The following NEFM variants were observed in gnomAD, a reference collection of about 807,000 sequenced individuals.
The protein encoded by NEFM is neurofilament medium chain, also known as neurofilament medium polypeptide.
A neutral mutation model predicts 48.1 loss-of-function variants in NEFM; 16 were observed. The ratio of observed to expected loss-of-function variants is 0.33; its 90% confidence interval spans 0.23 to 0.51. NEFM has a LOEUF of 0.51. Among genes scored for constraint, NEFM ranks in the 20% least tolerant of loss-of-function variants. The pLI is 0.98. For missense variants in NEFM, 1,107 were observed against 1,136.0 expected (o/e 0.97, Z 0.37); for synonymous variants, 465 against 456.9 (o/e 1.02, Z -0.23).
In NEFM at chr8:24,915,647, T is replaced by A. The variant is rs1285528364; in HGVS notation, c.1123T>A (p.Trp375Arg). ...QLENELRGTK[W>R]EMARHLREYQ... is the part of the protein sequence containing the mutation. ...GGAAAATGAGCTTCGGGGCACAAAG[T>A]GGGAAATGGCTCGTCATTTGCGCGA... Residue 375 changes from tryptophan to arginine, a missense_variant, in exon 2 of 3, where the codon TGG becomes AGG. Physicochemically the swap from Trp to Arg is moderately radical, Grantham distance 101. Coordinates refer to ENST00000221166, the MANE Select transcript of NEFM (RefSeq NM_005382.2). The A allele has an allele frequency of 1.2e-6, 2 of 1,613,922 alleles. No homozygotes were observed. Among genetic ancestry groups the A allele is most frequent in the Non-Finnish European group, 1.7e-6 (2 of 1,179,980 alleles).
chr8:24,917,393 T>G lies in NEFM; in HGVS notation c.1538T>G (p.Val513Gly), dbSNP rs550553242. The G allele has an allele frequency of 6.4e-7, 1 of 1,571,404 alleles. No individual in the cohort carries two copies. The change falls in exon 3 of 3, where the codon GTG becomes GGG. Residue 513 changes from valine to glycine, a missense_variant. Coordinates refer to ENST00000221166, the MANE Select transcript of NEFM (RefSeq NM_005382.2). ...GAAGTAGCTGCCAAAAAGTCTCCAG[T>G]GAAAGCAACTGCACCTGAAGTTAAA... Reference protein sequence around the residue: ...EEEVAAKKSPVKATAPEVKEE... With the variant: ...EEEVAAKKSPGKATAPEVKEE...
chr8:24,915,349 TA>T, intron 1 of NEFM: 1 of 1,223,734 alleles, frequency 8.2e-7, no homozygotes, highest in Non-Finnish European at 1.1e-6. Flanking sequence ...AGACGTGTTC[TA>T]AGTCCACTGG....
rs1355672075 is a variant in NEFM, at chr8:24,917,122, C to G, written c.1267C>G (p.Leu423Val). 1 of 1,614,116 alleles carries G rather than the reference C, an allele frequency of 6.2e-7. No homozygotes were observed. The highest frequency in any genetic ancestry group is 1.7e-5 in the Admixed American group (1 of 60,010). ...ATTTGCAGGAAGCATCACTGGGCCA[C>G]TGTATACACACCGACCCCCAATCAC... ...STFAGSITGPLYTHRPPITIS... is the reference protein window; with the variant it reads ...STFAGSITGPVYTHRPPITIS... Residue 423 changes from leucine (L) to valine (V), a missense_variant, in exon 3 of 3, where the codon CTG becomes GTG. Around this residue, in one of 3 missense-constraint regions of NEFM, gnomAD observed 917 missense variants for 916.4 expected, o/e 1.00. Transcript: ENST00000221166.
intron 2 of NEFM, 115 bp downstream of exon 2, chr8:24,915,844 C>G: frequency 1.5e-6 from 2 of 1,341,766 alleles, no homozygotes; most frequent in Non-Finnish European, 2.1e-6. Flanking sequence ...AACTCAGCAC[C>G]TGGTTATCTT....
chr8:24,918,448 G>A lies in NEFM; in HGVS notation c.2593G>A (p.Gly865Arg), dbSNP rs758582875. 1.2e-6 allele frequency: 2 copies of A among 1,614,126 alleles called. No homozygotes were observed. Among genetic ancestry groups the A allele is most frequent in the Non-Finnish European group, 1.7e-6 (2 of 1,180,020 alleles). Residue 865 changes from glycine to arginine, a missense_variant, in exon 3 of 3, where the codon GGG (glycine) becomes AGG (arginine). Gly to Arg is a moderately radical substitution (Grantham distance 125). Coordinates refer to ENST00000221166, the MANE Select transcript of NEFM (RefSeq NM_005382.2). The part of the protein sequence containing the change: ...TKTVEKITSE[G>R]GDGATKYITK... ...AACGGTAGAAAAAATCACCAGTGAG[G>A]GGGGAGATGGTGCTACCAAATACAT...
In NEFM at chr8:24,917,428, G is replaced by A; in HGVS notation, c.1573G>A (p.Gly525Arg). 6.4e-7 allele frequency: 1 copy of A among 1,558,306 alleles called. No homozygotes were observed. Among genetic ancestry groups the A allele is most frequent in the Non-Finnish European group, 8.7e-7 (1 of 1,150,604 alleles). The change falls in exon 3 of 3, where the codon GGG becomes AGG. Residue 525 changes from glycine (G) to arginine (R), a missense_variant. Gly to Arg is a moderately radical substitution (Grantham distance 125, BLOSUM62 -2). This residue lies in a region of NEFM where 917 missense variants were observed against 916.4 expected (regional missense o/e 1.00). Transcript: ENST00000221166. ...ATAPEVKEEE[G>R]EKEEEEGQEE... ...TGCACCTGAAGTTAAAGAAGAGGAA[G>A]GGGAAAAGGAGGAAGAAGAAGGCCA...
At chr8:24,915,355 C>T in intron 1 of NEFM, 1 of 1,191,174 alleles carries the variant, frequency 8.4e-7, no homozygotes, top group Non-Finnish European at 1.1e-6. Context: ...GTTCTAAGTC[C>T]ACTGGTCTCC....
chr8:24,917,274 G>C lies in NEFM; in HGVS notation c.1419G>C (p.Leu473=). ...AGAAGTCAGAAATGGAAGAGGCCCT[G>C]ACAGCCATTACAGAGGAATTGGCCG... is the stretch of plus-strand genomic sequence containing the variant. ...EDEKSEMEEA[L]TAITEELAVS... is the part of the protein sequence containing the mutation. The change falls in exon 3 of 3, where the codon CTG becomes CTC. Residue 473 remains leucine, a synonymous_variant. Coordinates refer to ENST00000221166, the MANE Select transcript of NEFM (RefSeq NM_005382.2). 6.2e-7 allele frequency: 1 copy of C among 1,614,140 alleles called. No individual in the cohort carries two copies. The highest frequency in any genetic ancestry group is 8.5e-7 in the Non-Finnish European group (1 of 1,180,046).
At chr8:24,916,349 G>A (rs1316624755) in intron 2 of NEFM, among the ~76,000 whole-genome samples, 1 of 152,058 alleles carries the variant, frequency 6.6e-6, no homozygotes, top group African/African-American at 2.4e-5. Context: ...TAGATATATA[G>A]ACACAAATAT....
chr8:24,915,592 GTGTC>G lies in NEFM; in HGVS notation c.1081-9_1081-6del, dbSNP rs1459199623. 3 of 1,614,066 alleles carry G rather than the reference GTGTC, an allele frequency of 1.9e-6. No homozygotes were observed. The highest frequency in any genetic ancestry group is 1.7e-5 in the Admixed American group (1 of 60,010). On this transcript the variant is annotated splice_polypyrimidine_tract_variant and intron_variant, in intron 1 of 2. Coordinates refer to ENST00000221166, the MANE Select transcript of NEFM (RefSeq NM_005382.2). ...AAGGATGAGTCTGGGGAGATTCTCT[GTGTC>G]TGTTTCAGGACACCATCCAGCAGCT...
Position 24,914,968 on chromosome 8 carries a change from T to A in NEFM, c.1080+95T>A, listed in dbSNP as rs1220873684. 46 of 1,435,572 alleles carry A rather than the reference T, an allele frequency of 3.2e-5. No homozygotes were observed. The East Asian group carries it at 1.2e-3, about 37-fold the overall frequency. 88.9% of individuals were successfully genotyped at this position (1,435,572 alleles called of 1,614,324 possible). On this transcript the variant is annotated intron_variant, in intron 1 of 2. Transcript: ENST00000221166. ...TGCCCAGGCGCCCTCTCCGCCGCGC[T>A]CCCTGGTGGCCGCTCGCTAGAGCAC... is the stretch of plus-strand genomic sequence containing the variant.
In NEFM at chr8:24,913,786, C is replaced by T. The variant is rs1310761669; in HGVS notation, c.-8C>T. ...GCTGTGACAGCCACACGCCCCAAGG[C>T]CTCCAAGATGAGCTACACGTTGGAC... On this transcript the variant is annotated 5_prime_UTR_variant, in exon 1 of 3. Coordinates refer to ENST00000221166, the MANE Select transcript of NEFM (RefSeq NM_005382.2). 6.2e-7 allele frequency: 1 copy of T among 1,604,106 alleles called. No homozygotes were observed. The highest frequency in any genetic ancestry group is 1.3e-5 in the African/African-American group (1 of 74,870).
chr8:24,918,185 C>T lies in NEFM; in HGVS notation c.2330C>T (p.Ala777Val), dbSNP rs112979069. ...PLQQEKEKEK[A>V]GGEGGSEEEG... ...CAGCAGGAGAAAGAGAAGGAGAAAG[C>T]GGGAGGAGAGGGAGGAAGTGAGGAG... is the stretch of plus-strand genomic sequence containing the variant. The change falls in exon 3 of 3, where the codon GCG becomes GTG. Residue 777 changes from alanine (A) to valine (V), a missense_variant. By Grantham distance (64) the Ala-to-Val change is moderately conservative. Transcript: ENST00000221166. 1.9e-4 allele frequency: 296 copies of T among 1,550,872 alleles called. 2 individuals are homozygous for T. The highest frequency in any genetic ancestry group is 1.6e-3 in the South Asian group (134 of 84,070).
Position 24,917,434 on chromosome 8 carries a change from AAGG to A in NEFM, c.1584_1586del (p.Glu531del). On this transcript the variant is annotated inframe_deletion, in exon 3 of 3. Transcript: ENST00000221166. ...TGAAGTTAAAGAAGAGGAAGGGGAA[AAGG>A]AGGAAGAAGAAGGCCAGGAAGAAGA... 3 of 1,556,852 alleles carry A rather than the reference AAGG, an allele frequency of 1.9e-6. No individual in the cohort carries two copies. Among genetic ancestry groups the A allele is most frequent in the Non-Finnish European group, 2.6e-6 (3 of 1,149,766 alleles).
chr8:24,914,148 G>C lies in NEFM; in HGVS notation c.355G>C (p.Val119Leu). ...CCGCTTTGCCGGCTACATAGAGAAG[G>C]TGCACTACCTGGAGCAGCAGAATAA... ...NDRFAGYIEK[V>L]HYLEQQNKEI... The change falls in exon 1 of 3, where the codon GTG becomes CTG. Residue 119 changes from valine (V) to leucine (L), a missense_variant. Around this residue, in one of 3 missense-constraint regions of NEFM, gnomAD observed 186 missense variants for 200.6 expected, o/e 0.93. Coordinates refer to ENST00000221166, the MANE Select transcript of NEFM (RefSeq NM_005382.2). 6.2e-7 allele frequency: 1 copy of C among 1,612,962 alleles called. No individual in the cohort carries two copies. The highest frequency in any genetic ancestry group is 8.5e-7 in the Non-Finnish European group (1 of 1,179,822).
chr8:24,915,589 T>C lies in NEFM; in HGVS notation c.1081-16T>C. ...TGCAAGGATGAGTCTGGGGAGATTC[T>C]CTGTGTCTGTTTCAGGACACCATCC... On this transcript the variant is annotated splice_polypyrimidine_tract_variant and intron_variant, in intron 1 of 2. Transcript: ENST00000221166. 1 of 1,614,010 alleles carries C rather than the reference T, an allele frequency of 6.2e-7. No homozygotes were observed. The highest frequency in any genetic ancestry group is 1.1e-5 in the South Asian group (1 of 91,070).
At position 24,914,706 on chromosome 8, in the gene NEFM, C is replaced by G; in HGVS notation, c.913C>G (p.Gln305Glu). ...RYAKLTEAAE[Q>E]NKEAIRSAKE... ...CGCCAAGCTCACCGAGGCGGCCGAGCAGAACAAGGAGGCCATCCGCTCCGC... is the reference window on the plus strand; with the variant it reads ...CGCCAAGCTCACCGAGGCGGCCGAGGAGAACAAGGAGGCCATCCGCTCCGC... The change falls in exon 1 of 3, where the codon CAG becomes GAG. Residue 305 changes from glutamine (Q) to glutamate (E), a missense_variant. Physicochemically the swap from Gln to Glu is conservative, Grantham distance 29. Transcript: ENST00000221166. 6.2e-7 allele frequency: 1 copy of G among 1,614,034 alleles called. No individual in the cohort carries two copies. The highest frequency in any genetic ancestry group is 8.5e-7 in the Non-Finnish European group (1 of 1,180,004).
In NEFM at chr8:24,913,792, A is replaced by G. The variant is rs1464545228; in HGVS notation, c.-2A>G. ...ACAGCCACACGCCCCAAGGCCTCCA[A>G]GATGAGCTACACGTTGGACTCGCTG... On this transcript the variant is annotated 5_prime_UTR_variant, in exon 1 of 3. Coordinates refer to ENST00000221166, the MANE Select transcript of NEFM (RefSeq NM_005382.2). 1 of 1,606,682 alleles carries G rather than the reference A, an allele frequency of 6.2e-7. No individual in the cohort carries two copies. The highest frequency in any genetic ancestry group is 1.7e-5 in the Admixed American group (1 of 59,226).
rs1802622838 is a variant in NEFM at position 24,918,750 on chromosome 8, C to T, written c.*144C>T. The T allele has an allele frequency of 1.4e-6, 1 of 713,390 alleles. No homozygotes were observed. The highest frequency in any genetic ancestry group is 1.7e-5 in the African/African-American group (1 of 57,294). 44.2% of individuals were successfully genotyped at this position (713,390 alleles called of 1,614,324 possible). A position where few individuals can be genotyped will look rare whatever the true frequency, so the allele number is the denominator to read the frequency against. ...GCAATATGAGGGGACTGCATGCAAG[C>T]TCAGGGTGCTCCCTCCTCAGTCTTT... On this transcript the variant is annotated 3_prime_UTR_variant, in exon 3 of 3. Coordinates refer to ENST00000221166, the MANE Select transcript of NEFM (RefSeq NM_005382.2).
Sources: gnomAD v4.1 joint callset for allele counts (sites outside exome capture counted in the v4.1 genomes callset) on GRCh38, gnomAD v4.1.1 for gene constraint, gnomAD v4.1.1 regional missense constraint, MANE v1.5 for transcripts, NCBI Gene and HGNC (gene_info 2026-07-23, HGNC 2026-07-21) for gene names.